KLRG1: variants seen among roughly 807,000 people sequenced by gnomAD.
KLRG1 encodes the protein killer cell lectin-like receptor subfamily G member 1.
Under a neutral mutation model 21.8 loss-of-function variants are expected in KLRG1, and 16 were observed. That is an observed-to-expected ratio of 0.73 (90% confidence interval 0.50 to 1.11). KLRG1 has a LOEUF of 1.11. Ranked by LOEUF, KLRG1 falls within the 50% of genes most tolerant of loss-of-function variation. The pLI is 0.00. For missense variants in KLRG1, 173 were observed against 218.3 expected (o/e 0.79, Z 1.31); for synonymous variants, 69 against 75.9 (o/e 0.91, Z 0.47).
At chr12:9,071,772 C>T in the KLRG1 span, among the ~76,000 whole-genome samples, 1 of 152,184 alleles carries the variant, frequency 6.6e-6, no homozygotes, top group Non-Finnish European at 1.5e-5. Context: ...AGGTCATGAT[C>T]TCATTCTTTT....
chr12:9,077,784 G>C, the KLRG1 span: 2 of 1,614,186 alleles, frequency 1.2e-6, no homozygotes, highest in Non-Finnish European at 8.5e-7. Flanking sequence ...ATGAGGGCTT[G>C]GGTAATGTGT....
chr12:9,072,306 A>G, the KLRG1 span: 1 of 1,594,948 alleles, frequency 6.3e-7, no homozygotes, highest in Non-Finnish European at 8.5e-7. Context: ...GAGTTCCCGA[A>G]AGAAGACTGG....
the KLRG1 span, among the ~76,000 whole-genome samples, chr12:9,186,892 C>A: frequency 6.6e-6 from 1 of 151,632 alleles, no homozygotes; most frequent in Admixed American, 6.6e-5. Flanking sequence ...GGAGAAATAC[C>A]TAATATAGAT....
At chr12:9,158,696 G>A in the KLRG1 span, 1 of 884,220 alleles carries the variant, frequency 1.1e-6, no homozygotes, top group Non-Finnish European at 1.6e-6. Flanking sequence ...AGCTGTTACT[G>A]AGAGTTTGGA....
At chr12:9,077,079 A>G in the KLRG1 span, 1 of 740,018 alleles carries the variant, frequency 1.4e-6, no homozygotes, top group African/African-American at 1.8e-5. Flanking sequence ...ATATAATATT[A>G]TTTTTATCTG....
chr12:9,047,658 A>G, the KLRG1 span, among the ~76,000 whole-genome samples: 2 of 152,224 alleles, frequency 1.3e-5, no homozygotes, highest in Non-Finnish European at 1.5e-5. Flanking sequence ...GTAGTCTACA[A>G]AAAACTCACT....
downstream of KLRG1, among the ~76,000 whole-genome samples, chr12:9,012,562 G>A (rs1947646741): frequency 6.6e-6 from 1 of 151,844 alleles, no homozygotes; most frequent in Non-Finnish European, 1.5e-5. Flanking sequence ...AGCTATGGTA[G>A]CCATGGGGAG....
the KLRG1 span, chr12:9,166,251 C>A: frequency 6.3e-7 from 1 of 1,579,334 alleles, no homozygotes; most frequent in African/African-American, 1.4e-5. Flanking sequence ...TCATTAATTT[C>A]ATGGTGCACA....
the KLRG1 span, among the ~76,000 whole-genome samples, chr12:9,127,585 G>A: frequency 6.6e-6 from 1 of 152,128 alleles, no homozygotes; most frequent in African/African-American, 2.4e-5. Context: ...CAGCGGCTCC[G>A]TGCACTTTGG....
the KLRG1 span, among the ~76,000 whole-genome samples, chr12:9,086,902 A>G: frequency 1.3e-5 from 2 of 152,214 alleles, no homozygotes; most frequent in Admixed American, 6.5e-5. Flanking sequence ...AGACTTCACC[A>G]AAGGGCTGCA....
chr12:9,043,386 G>A, the KLRG1 span, among the ~76,000 whole-genome samples: 352 of 152,208 alleles, frequency 2.3e-3, 1 homozygote, highest in Non-Finnish European at 3.7e-3. Flanking sequence ...CTGATATCTT[G>A]TTTCTTAAGT....
chr12:9,041,893 A>G, the KLRG1 span, among the ~76,000 whole-genome samples: 12 of 152,292 alleles, frequency 7.9e-5, no homozygotes, highest in South Asian at 2.5e-3. Context: ...GCGTGCAGCA[A>G]TTTATCACCA....
chr12:9,202,363 G>A, the KLRG1 span: 73 of 1,613,942 alleles, frequency 4.5e-5, no homozygotes, highest in South Asian at 6.7e-4. Flanking sequence ...GAGACAACAC[G>A]GAATCTTACT....
At chr12:8,981,049 A>T (rs1360774102) in intron 1 of KLRG1, among the ~76,000 whole-genome samples, 1 of 152,114 alleles carries the variant, frequency 6.6e-6, no homozygotes, top group East Asian at 1.9e-4. Context: ...CAGCTTTTTA[A>T]TTGCACTCCA....
chr12:8,971,187 A>G (rs1215594573), intron 1 of KLRG1: 3 of 151,978 alleles, frequency 2.0e-5, no homozygotes, highest in Admixed American at 2.0e-4. Context: ...TTAATATAGT[A>G]TGCTATTGAA....
chr12:9,120,787 A>G, the KLRG1 span, among the ~76,000 whole-genome samples: 1 of 152,128 alleles, frequency 6.6e-6, no homozygotes, highest in Non-Finnish European at 1.5e-5. Flanking sequence ...AAGGAAATAT[A>G]TATCTACAGA....
the KLRG1 span, among the ~76,000 whole-genome samples, chr12:9,116,998 G>A: frequency 6.6e-6 from 1 of 152,092 alleles, no homozygotes; most frequent in South Asian, 2.1e-4. Flanking sequence ...ACATAACCCA[G>A]ACCTGGAACC....
the KLRG1 span, among the ~76,000 whole-genome samples, chr12:9,165,659 G>T: frequency 6.6e-6 from 1 of 152,098 alleles, no homozygotes; most frequent in Non-Finnish European, 1.5e-5. Context: ...CCTTGCTATT[G>T]TATAATCCCA....
At chr12:9,195,019 T>A in the KLRG1 span, among the ~76,000 whole-genome samples, 1 of 152,098 alleles carries the variant, frequency 6.6e-6, no homozygotes, top group Admixed American at 6.5e-5. Flanking sequence ...TATTTAAAAA[T>A]ACATTAGAGG....
Sources: allele counts gnomAD v4.1 joint callset (sites outside exome capture counted in the v4.1 genomes callset), GRCh38; gene constraint gnomAD v4.1.1; transcripts MANE v1.5; gene names NCBI Gene and HGNC (gene_info 2026-07-23, HGNC 2026-07-21).